Variants in AGFG1 observed in about 807,000 individuals in gnomAD.
AGFG1 encodes arf-GAP domain and FG repeat-containing protein 1.
Under a neutral mutation model 60.6 loss-of-function variants are expected in AGFG1, and 10 were observed. The ratio of observed to expected loss-of-function variants is 0.16; its 90% CI spans 0.10 to 0.28. The LOEUF (loss-of-function observed/expected upper bound fraction) is 0.28, where lower values mean the gene tolerates loss of function less well. AGFG1 is among the 10% of genes least tolerant of loss of function. The pLI, the probability that AGFG1 is intolerant of heterozygous loss-of-function variation, is 1.00. For missense variants in AGFG1, 537 were observed against 676.5 expected, an observed-to-expected ratio of 0.79 and a Z score of 2.29; for synonymous variants, 247 against 242.9, an observed-to-expected ratio of 1.02 and a Z score of -0.16.
intron 6 of AGFG1, among the ~76,000 whole-genome samples, chr2:227,532,427 A>G (rs543514448): frequency 1.3e-5 from 2 of 152,174 alleles, no homozygotes; most frequent in Non-Finnish European, 2.9e-5. Context: ...TATTCTTTAT[A>G]TAAATTTTGA....
At chr2:227,498,363 A>G (rs1691046357) in intron 2 of AGFG1, among the ~76,000 whole-genome samples, 1 of 152,240 alleles carries the variant, frequency 6.6e-6, no homozygotes, top group Admixed American at 6.5e-5. Context: ...TACATTGAAA[A>G]ACATTTTAAA....
At chr2:227,490,830 A>T (rs140475017) in intron 1 of AGFG1, among the ~76,000 whole-genome samples, 1,816 of 152,296 alleles carry the variant, frequency 0.012, 26 homozygotes, top group African/African-American at 0.022. Context: ...TCAAACATCA[A>T]GGTAAAGTCC....
intron 1 of AGFG1, among the ~76,000 whole-genome samples, chr2:227,475,195 A>G (rs1690245085): frequency 6.6e-6 from 1 of 152,250 alleles, no homozygotes; most frequent in South Asian, 2.1e-4. Flanking sequence ...GTAAAACTAT[A>G]CAGTGGCTTA....
rs758674049 is a variant in AGFG1 at position 227,520,008 on chromosome 2, A to G, written c.322A>G (p.Arg108Gly). 6.3e-7 allele frequency: 1 copy of G among 1,585,316 alleles called. No homozygotes were observed. The highest frequency in any genetic ancestry group is 8.5e-7 in the Non-Finnish European group (1 of 1,171,434). The change falls in exon 3 of 13, where the codon AGG becomes GGG. Residue 108 changes from arginine to glycine, a missense_variant. Coordinates refer to ENST00000310078, the MANE Select transcript of AGFG1 (RefSeq NM_004504.5). ...TAGATCTTCAGCAATTCCAGACTTC[A>G]GGGATCCACAAAAAGTGAAAGAGTT... ...DDRSSAIPDF[R>G]DPQKVKEFLQ...
chr2:227,559,552 GA>G lies in AGFG1; in HGVS notation c.*5059del. 6.6e-6 allele frequency: 1 copy of G among 152,236 alleles called. No individual in the cohort carries two copies. Among genetic ancestry groups the G allele is most frequent in the East Asian group, 1.9e-4 (1 of 5,180 alleles). 9.4% of individuals were successfully genotyped at this position (152,236 alleles called of 1,614,324 possible). On this transcript the variant is annotated 3_prime_UTR_variant, in exon 13 of 13. Transcript: ENST00000310078. ...AGGGCTGTAGGGACTGATGAAAAGA[GA>G]ATGTTGTGATTTGAGCTTTTATAAA...
At chr2:227,531,577 T>G (rs1692160746) in intron 6 of AGFG1, among the ~76,000 whole-genome samples, 1 of 143,446 alleles carries the variant, frequency 7.0e-6, no homozygotes, top group Non-Finnish European at 1.5e-5. Flanking sequence ...TACAGGCACA[T>G]GCCACCACTC....
At chr2:227,494,419 A>G (rs946293179) in intron 2 of AGFG1, among the ~76,000 whole-genome samples, 4 of 152,234 alleles carry the variant, frequency 2.6e-5, no homozygotes, top group African/African-American at 9.6e-5. Context: ...GTTTTGGATT[A>G]AAAAGGCTCT....
At chr2:227,514,164 A>G (rs1447469462) in intron 2 of AGFG1, among the ~76,000 whole-genome samples, 1 of 152,168 alleles carries the variant, frequency 6.6e-6, no homozygotes, top group African/African-American at 2.4e-5. Flanking sequence ...ATAGCCCATC[A>G]CTGCAAACCA....
chr2:227,523,967 A>G (rs766642513), intron 4 of AGFG1, 42 bp downstream of exon 4: 1 of 1,555,798 alleles, frequency 6.4e-7, no homozygotes, highest in Non-Finnish European at 8.8e-7. Context: ...CGACTTAAAG[A>G]GGGCTTGAGT....
intron 3 of AGFG1, 58 bp from the exon 4 acceptor site, chr2:227,523,705 T>G: frequency 6.6e-7 from 1 of 1,508,958 alleles, no homozygotes; most frequent in South Asian, 1.2e-5. Context: ...AGCTTATCAT[T>G]TTTTGATATA....
intron 10 of AGFG1, among the ~76,000 whole-genome samples, chr2:227,546,941 G>T (rs1035521623): frequency 6.6e-6 from 1 of 152,058 alleles, no homozygotes; most frequent in Non-Finnish European, 1.5e-5. Context: ...ATGGCATCTG[G>T]CCCTCAGATC....
chr2:227,494,725 G>A (rs927900057), intron 2 of AGFG1, among the ~76,000 whole-genome samples: 5 of 152,164 alleles, frequency 3.3e-5, no homozygotes, highest in African/African-American at 9.7e-5. Flanking sequence ...TCTGTGTATG[G>A]TCTTCTGCAT....
intron 1 of AGFG1, among the ~76,000 whole-genome samples, chr2:227,481,863 C>A (rs1225218902): frequency 1.7e-5 from 2 of 117,586 alleles, no homozygotes; most frequent in African/African-American, 6.7e-5. Context: ...TTGTCCACTA[C>A]TTTTTTTTTT....
At chr2:227,496,323 G>T (rs959459989) in intron 2 of AGFG1, among the ~76,000 whole-genome samples, 2 of 151,560 alleles carry the variant, frequency 1.3e-5, no homozygotes, top group African/African-American at 4.8e-5. Flanking sequence ...TTGAAGCAGA[G>T]ATTTATTAAT....
At position 227,539,457 on chromosome 2, in the gene AGFG1, A is replaced by C. The variant is rs12468693; in HGVS notation, c.1378+2464A>C. Among the ~76,000 whole-genome samples the C allele has an allele frequency of 3.0e-4, 39 of 129,976 alleles. 3 individuals carry two copies. Among genetic ancestry groups the C allele is most frequent in the South Asian group, 1.7e-3 (7 of 4,034 alleles). The allele number at this position is 129,976 out of a possible 152,430, so 85.3% of individuals were successfully genotyped here. A position where few individuals can be genotyped will look rare whatever the true frequency, so the allele number is the denominator to read the frequency against. ...GACTCTGTCTCAAAAAAAACAAAAA[A>C]CACATGTTAACACTGTGAAATTATA... is the stretch of plus-strand genomic sequence containing the variant. On this transcript the variant is annotated intron_variant, in intron 10 of 12. Transcript: ENST00000310078.
Position 227,555,596 on chromosome 2 carries a change from A to G in AGFG1, c.*1101A>G, listed in dbSNP as rs1260860089. 6.6e-6 allele frequency: 1 copy of G among 152,366 alleles called. No homozygotes were observed. The highest frequency in any genetic ancestry group is 2.4e-5 in the African/African-American group (1 of 41,364). 9.4% of individuals were successfully genotyped at this position (152,366 alleles called of 1,614,324 possible). ...GATATTATCTATAGGATATTTGTTT[A>G]TGTTTGTTTTTTGGGGGAAAGAAAC... is the stretch of plus-strand genomic sequence containing the variant. On this transcript the variant is annotated 3_prime_UTR_variant, in exon 13 of 13. Coordinates refer to ENST00000310078, the MANE Select transcript of AGFG1 (RefSeq NM_004504.5).
intron 1 of AGFG1, among the ~76,000 whole-genome samples, chr2:227,490,870 C>T (rs1444957734): frequency 6.6e-6 from 1 of 152,142 alleles, no homozygotes; most frequent in African/African-American, 2.4e-5. Flanking sequence ...GAAAAGGCTT[C>T]AGGGTTCTAA....
chr2:227,523,091 G>A (rs1461483063), intron 3 of AGFG1, among the ~76,000 whole-genome samples: 2 of 152,110 alleles, frequency 1.3e-5, no homozygotes, highest in Non-Finnish European at 2.9e-5. Flanking sequence ...CAATTCTTAA[G>A]GATGTTTCTG....
chr2:227,508,688 A>T (rs879134348), intron 2 of AGFG1: 3 of 394,568 alleles, frequency 7.6e-6, no homozygotes, highest in East Asian at 7.6e-5. Context: ...CACTGTTGGG[A>T]TTTTTTTTTT....
Sources: allele counts gnomAD v4.1 joint callset (sites outside exome capture counted in the v4.1 genomes callset), GRCh38; gene constraint gnomAD v4.1.1; transcripts MANE v1.5; gene names NCBI Gene and HGNC (gene_info 2026-07-23, HGNC 2026-07-21).